The following ACOXL variants were observed in gnomAD, a reference collection of about 807,000 sequenced individuals.
ACOXL encodes the protein acyl-coenzyme A oxidase-like protein.
In ACOXL, 70 loss-of-function variants were observed where a neutral mutation model predicts 71.9. The observed-to-expected ratio is 0.97, with a 90% confidence interval of 0.80 to 1.19. ACOXL has a LOEUF of 1.19. ACOXL is among the 50% of genes most tolerant of loss of function. ACOXL has a pLI of 0.00. For missense variants in ACOXL, 703 were observed against 736.3 expected (o/e 0.95, Z 0.52); for synonymous variants, 253 against 281.6 (o/e 0.90, Z 1.02).
chr2:110,984,336 C>G (rs2062840704), intron 12 of ACOXL, among the ~76,000 whole-genome samples: 4 of 152,032 alleles, frequency 2.6e-5, no homozygotes. Context: ...GTAAAACAAG[C>G]ACATCTTCAT....
At chr2:111,018,713 G>T (rs970672415) in intron 14 of ACOXL, among the ~76,000 whole-genome samples, 3 of 151,948 alleles carry the variant, frequency 2.0e-5, no homozygotes, top group African/African-American at 7.3e-5. Flanking sequence ...GAGGCTGGAG[G>T]GGGTGTTGGT....
chr2:111,006,180 C>T (rs2063863275), intron 14 of ACOXL, among the ~76,000 whole-genome samples: 1 of 152,334 alleles, frequency 6.6e-6, no homozygotes, highest in South Asian at 2.1e-4. Flanking sequence ...TGGAGGGGCT[C>T]TCTTTGTATC....
intron 10 of ACOXL, among the ~76,000 whole-genome samples, chr2:110,870,830 T>TG (rs1695186465): frequency 6.6e-6 from 1 of 152,082 alleles, no homozygotes; most frequent in African/African-American, 2.4e-5. Context: ...CTGGAAATGG[T>TG]GGGGGGAGGA....
intron 12 of ACOXL, among the ~76,000 whole-genome samples, chr2:110,950,833 G>A (rs1005559676): frequency 1.3e-5 from 2 of 151,742 alleles, no homozygotes; most frequent in African/African-American, 4.8e-5. Flanking sequence ...GAGAGAGAGA[G>A]AGGGAAGTTC....
At chr2:110,821,880 G>A (rs1022477522) in intron 9 of ACOXL, among the ~76,000 whole-genome samples, 9 of 151,786 alleles carry the variant, frequency 5.9e-5, no homozygotes, top group Non-Finnish European at 1.2e-4. Context: ...TTCAGCTTTG[G>A]CTTTTGGAAG....
intron 12 of ACOXL, among the ~76,000 whole-genome samples, chr2:110,973,198 A>T (rs1238142948): frequency 1.3e-5 from 2 of 152,240 alleles, no homozygotes; most frequent in Non-Finnish European, 2.9e-5. Flanking sequence ...AGTAAATGAC[A>T]ATGTCAATGA....
chr2:110,733,217 TG>T (rs1230111100), intron 1 of ACOXL: 1 of 152,428 alleles, frequency 6.6e-6, no homozygotes, highest in East Asian at 1.9e-4. Flanking sequence ...GGAGTGGCCC[TG>T]TCCAGGGCGT....
At chr2:110,841,517 T>C (rs1300553089) in intron 10 of ACOXL, 112 bp downstream of exon 10, 1 of 785,700 alleles carries the variant, frequency 1.3e-6, no homozygotes, top group South Asian at 1.6e-5. Context: ...TTTCCTGTGA[T>C]GTCCGTGTCG....
At chr2:111,016,900 C>A (rs1449488704) in intron 14 of ACOXL, among the ~76,000 whole-genome samples, 1 of 142,850 alleles carries the variant, frequency 7.0e-6, no homozygotes, top group Admixed American at 7.0e-5. Context: ...AGCAGGGCCC[C>A]AGCAAGATGG....
intron 15 of ACOXL, among the ~76,000 whole-genome samples, chr2:111,038,295 G>T (rs2065619162): frequency 6.6e-6 from 1 of 152,182 alleles, no homozygotes; most frequent in Admixed American, 6.5e-5. Flanking sequence ...CATGTTGCAG[G>T]GCTCCCAGTG....
At chr2:110,784,135 A>G (rs534259119) in intron 2 of ACOXL, among the ~76,000 whole-genome samples, 34 of 152,306 alleles carry the variant, frequency 2.2e-4, no homozygotes, top group Admixed American at 2.0e-3. Context: ...CAAGATGGTC[A>G]CTGAAGCTGG....
chr2:110,857,418 T>C (rs1559352267), intron 10 of ACOXL, among the ~76,000 whole-genome samples: 1 of 152,152 alleles, frequency 6.6e-6, no homozygotes, highest in African/African-American at 2.4e-5. Context: ...GTGACTGTGA[T>C]TGGGTTAGTT....
At chr2:110,997,932 T>C (rs1040844095) in intron 14 of ACOXL, among the ~76,000 whole-genome samples, 9 of 152,178 alleles carry the variant, frequency 5.9e-5, no homozygotes, top group African/African-American at 2.2e-4. Context: ...ATTCCTGTAG[T>C]ACCAGCTACT....
At chr2:110,996,739 CT>C (rs2063413886) in intron 14 of ACOXL, among the ~76,000 whole-genome samples, 1 of 152,152 alleles carries the variant, frequency 6.6e-6, no homozygotes, top group African/African-American at 2.4e-5. Context: ...CAGTTCACCC[CT>C]TTTTATATGA....
At chr2:111,087,587 T>G (rs2068278616) in intron 16 of ACOXL, among the ~76,000 whole-genome samples, 1 of 152,192 alleles carries the variant, frequency 6.6e-6, no homozygotes, top group Non-Finnish European at 1.5e-5. Flanking sequence ...TAAATGGTGC[T>G]GGGATAACTG....
At chr2:110,866,366 G>C (rs554126350) in intron 10 of ACOXL, among the ~76,000 whole-genome samples, 1 of 152,144 alleles carries the variant, frequency 6.6e-6, no homozygotes, top group Non-Finnish European at 1.5e-5. Flanking sequence ...GGGAGAAGAC[G>C]GGCTTTGGAA....
At chr2:110,971,873 C>T (rs1342332477) in intron 12 of ACOXL, among the ~76,000 whole-genome samples, 1 of 152,194 alleles carries the variant, frequency 6.6e-6, no homozygotes, top group Non-Finnish European at 1.5e-5. Flanking sequence ...TCCATCTCAG[C>T]TTGTGATCCA....
At chr2:110,757,964 C>T (rs990492288) in intron 1 of ACOXL, among the ~76,000 whole-genome samples, 1 of 152,074 alleles carries the variant, frequency 6.6e-6, no homozygotes, top group African/African-American at 2.4e-5. Flanking sequence ...AAAATCTTTG[C>T]CCATGCCTAT....
At chr2:110,980,798 C>T (rs2062674105) in intron 12 of ACOXL, among the ~76,000 whole-genome samples, 1 of 152,212 alleles carries the variant, frequency 6.6e-6, no homozygotes, top group Non-Finnish European at 1.5e-5. Context: ...TGCTGCGTCT[C>T]TAAAGCCGCT....
Sources: gnomAD v4.1 joint callset for allele counts (sites outside exome capture counted in the v4.1 genomes callset) on GRCh38, gnomAD v4.1.1 for gene constraint, MANE v1.5 for transcripts, NCBI Gene and HGNC (gene_info 2026-07-23, HGNC 2026-07-21) for gene names.